Variants in ZNF644 observed in about 807,000 individuals in gnomAD.
ZNF644 encodes the protein zinc finger protein 644, also known as zinc finger motif enhancer binding protein 2.
ZNF644 carries 20 observed loss-of-function variants against 108.0 expected under a neutral mutation model. The observed-to-expected ratio is 0.19, with a 90% confidence interval of 0.13 to 0.27. The LOEUF (loss-of-function observed/expected upper bound fraction) is 0.27. ZNF644 is among the 10% of genes least tolerant of loss of function. The pLI, the probability that ZNF644 is intolerant of heterozygous loss-of-function variation, is 1.00. For missense variants in ZNF644, 1,338 were observed against 1,548.9 expected, an observed-to-expected ratio of 0.86 and a Z score of 2.29; for synonymous variants, 542 against 539.1, an observed-to-expected ratio of 1.01 and a Z score of -0.08.
chr1:90,979,168 T>G (rs910483486), intron 2 of ZNF644, among the ~76,000 whole-genome samples: 1 of 152,140 alleles, frequency 6.6e-6, no homozygotes, highest in African/African-American at 2.4e-5. Flanking sequence ...GTGTGTTATT[T>G]CTTAAGAGAG....
At chr1:91,001,315 C>T (rs892911286) in intron 1 of ZNF644, among the ~76,000 whole-genome samples, 1 of 152,152 alleles carries the variant, frequency 6.6e-6, no homozygotes, top group African/African-American at 2.4e-5. Flanking sequence ...AATCCAGCAG[C>T]ACATCAAAAA....
intron 2 of ZNF644, among the ~76,000 whole-genome samples, chr1:90,980,211 A>G (rs936907824): frequency 7.9e-5 from 12 of 152,238 alleles, no homozygotes; most frequent in African/African-American, 2.9e-4. Flanking sequence ...TAAAGAAGAC[A>G]AACTACGGCC....
Position 90,938,993 on chromosome 1 carries a change from T to C in ZNF644, c.2361A>G (p.Ser787=). The C allele has an allele frequency of 6.2e-7, 1 of 1,614,022 alleles. No individual in the cohort carries two copies. Among genetic ancestry groups the C allele is most frequent in the Non-Finnish European group, 8.5e-7 (1 of 1,179,930 alleles). Residue 787 remains serine, a synonymous_variant, in exon 3 of 6, where the codon TCA becomes TCG. Coordinates refer to ENST00000337393, the MANE Select transcript of ZNF644 (RefSeq NM_201269.3). The surrounding 1 kb of genome is among the most constrained non-coding windows in gnomAD (Gnocchi z 4.2). ...TTTTGGCGTCAGGCTTATGAGGGTC[T>C]GAAATAAAATTGTTGTGAGAATTAC... ...SSSNSHNNFI[S]DPHKPDAKRP...
At position 90,939,272 on chromosome 1, in the gene ZNF644, T is replaced by G; in HGVS notation, c.2082A>C (p.Ser694=). Reference sequence around the variant, plus strand: ...TGTTTTGATTGCACATGTTTACACCTGATTGGGCAATGCTTTTCCGAGCTT... The same window carrying G: ...TGTTTTGATTGCACATGTTTACACCGGATTGGGCAATGCTTTTCCGAGCTT... ...IQKARKSIAQ[S]GVNMCNQNSS... Residue 694 remains serine (S), a synonymous_variant, in exon 3 of 6, where the codon TCA becomes TCC. Transcript: ENST00000337393. The G allele has an allele frequency of 3.1e-6, 5 of 1,614,090 alleles. No individual in the cohort carries two copies. The highest frequency in any genetic ancestry group is 4.2e-6 in the Non-Finnish European group (5 of 1,179,940).
chr1:90,956,522 C>A (rs1653769817), intron 2 of ZNF644, among the ~76,000 whole-genome samples: 1 of 152,032 alleles, frequency 6.6e-6, no homozygotes, highest in African/African-American at 2.4e-5. Context: ...CATACTAATA[C>A]TTATAGGATG....
At chr1:91,002,829 A>C (rs1297354671) in intron 1 of ZNF644, among the ~76,000 whole-genome samples, 1 of 152,238 alleles carries the variant, frequency 6.6e-6, no homozygotes, top group Non-Finnish European at 1.5e-5. Context: ...AAACAAAGTT[A>C]CCAGAAAAAA....
Position 90,991,714 on chromosome 1 carries a change from G to A in ZNF644, c.-17-9344C>T, listed in dbSNP as rs557590725. ...ACACACTTTTAAACAACCAGATCTC[G>A]TGAAGACTCACTCACTACCACAACA... On this transcript the variant is annotated intron_variant, in intron 1 of 5. Transcript: ENST00000337393. Among the ~76,000 whole-genome samples the A allele has an allele frequency of 2.9e-3, 439 of 152,180 alleles. 3 individuals carry two copies. The highest frequency in any genetic ancestry group is 0.01 in the African/African-American group (418 of 41,514).
At chr1:90,992,966 C>T (rs1657789954) in intron 1 of ZNF644, among the ~76,000 whole-genome samples, 1 of 152,110 alleles carries the variant, frequency 6.6e-6, no homozygotes, top group Admixed American at 6.5e-5. Flanking sequence ...ATTGCATGAG[C>T]CCAGGAGTTT....
chr1:90,967,953 C>T (rs936614070), intron 2 of ZNF644, among the ~76,000 whole-genome samples: 6 of 144,092 alleles, frequency 4.2e-5, no homozygotes, highest in African/African-American at 7.7e-5. Context: ...CCCTGCTACT[C>T]GGGAGGCTGA....
At chr1:90,981,266 T>C (rs754049010) in intron 2 of ZNF644, among the ~76,000 whole-genome samples, 14 of 152,092 alleles carry the variant, frequency 9.2e-5, no homozygotes, top group Non-Finnish European at 1.8e-4. Flanking sequence ...AAAATTTTTC[T>C]ACACAACAAG....
chr1:90,997,536 C>CA (rs1038690789), intron 1 of ZNF644, among the ~76,000 whole-genome samples: 2 of 147,490 alleles, frequency 1.4e-5, no homozygotes, highest in Admixed American at 6.8e-5. Context: ...CAGTATTCAA[C>CA]AAAAAATTAC....
At position 90,940,533 on chromosome 1, in the gene ZNF644, T is replaced by A. The variant is rs774685437; in HGVS notation, c.821A>T (p.Glu274Val). Reference protein sequence around the residue: ...EFIQFLMTNEETVDKAPPHSK... With the variant: ...EFIQFLMTNEVTVDKAPPHSK... Reference sequence around the variant, plus strand: ...ATGAGGTGGAGCTTTATCTACTGTTTCCTCATTAGTCATAAGAAATTGAAT... The same window carrying A: ...ATGAGGTGGAGCTTTATCTACTGTTACCTCATTAGTCATAAGAAATTGAAT... Residue 274 changes from glutamate (E) to valine (V), a missense_variant, in exon 3 of 6, where the codon GAA (glutamate) becomes GTA (valine). Physicochemically the swap from Glu to Val is moderately radical, Grantham distance 121 (BLOSUM62 -2). Transcript: ENST00000337393. 1.4e-5 allele frequency: 22 copies of A among 1,614,030 alleles called. No homozygotes were observed. The highest frequency in any genetic ancestry group is 1.9e-5 in the Non-Finnish European group (22 of 1,179,960).
chr1:91,009,744 T>G (rs1045223813), intron 1 of ZNF644, among the ~76,000 whole-genome samples: 1 of 152,196 alleles, frequency 6.6e-6, no homozygotes, highest in South Asian at 2.1e-4. Flanking sequence ...TTTATTGGTT[T>G]TCAAAGTAAA....
chr1:90,920,191 T>C (rs1649273197), intron 4 of ZNF644, among the ~76,000 whole-genome samples: 1 of 152,020 alleles, frequency 6.6e-6, no homozygotes, highest in Admixed American at 6.6e-5. Flanking sequence ...TTAGGCAGAA[T>C]AGAGCAGGCA....
At chr1:90,918,515 T>C (rs1479403974) in intron 4 of ZNF644, 2 of 198,980 alleles carry the variant, frequency 1.0e-5, no homozygotes, top group Middle Eastern at 8.8e-4. Flanking sequence ...TAATCATACA[T>C]AATTTTAATA....
intron 1 of ZNF644, among the ~76,000 whole-genome samples, chr1:90,991,946 A>G (rs1301577191): frequency 6.6e-6 from 1 of 152,258 alleles, no homozygotes; most frequent in Non-Finnish European, 1.5e-5. Flanking sequence ...GAATCCTCAC[A>G]TTAAACACCT....
In ZNF644 at chr1:90,937,817, G is replaced by T. The variant is rs1651502785; in HGVS notation, c.3356C>A (p.Ser1119Tyr). The change falls in exon 4 of 6, where the codon TCT becomes TAT. Residue 1119 changes from serine (S) to tyrosine (Y), a missense_variant. Physicochemically the swap from Ser to Tyr is moderately radical, Grantham distance 144 (BLOSUM62 -2). This residue lies in a region of ZNF644 where 287 missense variants were observed against 310.9 expected (regional missense o/e 0.92). Coordinates refer to ENST00000337393, the MANE Select transcript of ZNF644 (RefSeq NM_201269.3). ...QKLASSDDFI[S>Y]QNVIPLEAYR... The stretch of plus-strand genomic sequence containing the variant: ...TGCTTCAAGAGGTATAACATTTTGA[G>T]ATATAAAGTCATCACTTGATGCAAG... 2 of 1,613,898 alleles carry T rather than the reference G, an allele frequency of 1.2e-6. No homozygotes were observed. Among genetic ancestry groups the T allele is most frequent in the East Asian group, 4.5e-5 (2 of 44,870 alleles).
intron 4 of ZNF644, among the ~76,000 whole-genome samples, chr1:90,924,495 CAAT>C (rs1649801002): frequency 6.6e-6 from 1 of 152,082 alleles, no homozygotes; most frequent in Non-Finnish European, 1.5e-5. Context: ...GATGTAGTAA[CAAT>C]AATTAAATTG....
chr1:90,978,267 G>A (rs745629726), intron 2 of ZNF644, among the ~76,000 whole-genome samples: 15 of 151,664 alleles, frequency 9.9e-5, no homozygotes, highest in East Asian at 1.9e-4. Context: ...CAGGAGAAAC[G>A]CATGAACTCA....
Sources: allele counts gnomAD v4.1 joint callset (sites outside exome capture counted in the v4.1 genomes callset), GRCh38; gene constraint gnomAD v4.1.1; regional missense constraint gnomAD v4.1.1; non-coding constraint Gnocchi (gnomAD v3.1); transcripts MANE v1.5; gene names NCBI Gene and HGNC (gene_info 2026-07-23, HGNC 2026-07-21).